The following PCMT1 variants were observed in gnomAD, a reference collection of about 807,000 sequenced individuals.
The protein encoded by PCMT1 is protein-L-isoaspartate (D-aspartate) O-methyltransferase, also known as protein-L-isoaspartate(D-aspartate) O-methyltransferase.
In PCMT1, 9 loss-of-function variants were observed where a neutral mutation model predicts 29.2. The observed-to-expected ratio is 0.31, with a 90% CI of 0.19 to 0.54. PCMT1 has a LOEUF of 0.54. Ranked by LOEUF, PCMT1 falls within the 20% of genes least tolerant of loss-of-function variation. PCMT1 has a pLI of 0.95. For missense variants in PCMT1, 184 were observed against 282.2 expected (o/e 0.65, Z 2.49); for synonymous variants, 98 against 97.5 (o/e 1.00, Z -0.03).
At chr6:149,756,622 C>G (rs180775545) in intron 1 of PCMT1, among the ~76,000 whole-genome samples, 94 of 145,392 alleles carry the variant, frequency 6.5e-4, no homozygotes, top group African/African-American at 2.4e-3. Context: ...GCCTCAGTCT[C>G]CAATATTGCT....
At chr6:149,777,661 T>A (rs1787625708) in intron 3 of PCMT1, among the ~76,000 whole-genome samples, 1 of 152,186 alleles carries the variant, frequency 6.6e-6, no homozygotes, top group South Asian at 2.1e-4. Flanking sequence ...TCTTTGGGAA[T>A]GAAAACTAAA....
chr6:149,805,233 T>TA (rs1316333544), intron 7 of PCMT1, among the ~76,000 whole-genome samples: 1 of 152,054 alleles, frequency 6.6e-6, no homozygotes, highest in African/African-American at 2.4e-5. Flanking sequence ...ACCTTATCTT[T>TA]AAAAAATATA....
intron 1 of PCMT1, among the ~76,000 whole-genome samples, chr6:149,765,120 G>C (rs946909001): frequency 2.6e-5 from 4 of 150,990 alleles, no homozygotes; most frequent in African/African-American, 9.7e-5. Context: ...AGCACTTTGG[G>C]AGGCCGAGGC....
chr6:149,803,052 C>CAAAAAAAAAA (rs60853264), intron 7 of PCMT1, among the ~76,000 whole-genome samples: 21 of 70,560 alleles, frequency 3.0e-4, no homozygotes, highest in Non-Finnish European at 4.6e-4. Flanking sequence ...GGCTCTGTCT[C>CAAAAAAAAAA]AAAAAAAAAA....
In PCMT1 at chr6:149,810,826, A is replaced by G. The variant is rs1168030603; in HGVS notation, c.*248A>G. 2 of 461,046 alleles carry G rather than the reference A, an allele frequency of 4.3e-6. No individual in the cohort carries two copies. Among genetic ancestry groups the G allele is most frequent in the Non-Finnish European group, 7.7e-6 (2 of 260,672 alleles). 28.6% of individuals were successfully genotyped at this position (461,046 alleles called of 1,614,324 possible). ...CCAAATTGGTAGAGGAAGGATGCAA[A>G]GTATAAATTTGTGTAATATTACTTT... On this transcript the variant is annotated 3_prime_UTR_variant, in exon 8 of 8. Transcript: ENST00000464889.
intron 1 of PCMT1, among the ~76,000 whole-genome samples, chr6:149,754,866 C>T (rs990429455): frequency 3.2e-4 from 49 of 152,132 alleles, no homozygotes; most frequent in African/African-American, 1.1e-3. Context: ...TCCAAATAAT[C>T]CTTATTTTAC....
intron 3 of PCMT1, among the ~76,000 whole-genome samples, chr6:149,776,908 G>T (rs1787594080): frequency 6.6e-6 from 1 of 152,070 alleles, no homozygotes; most frequent in Non-Finnish European, 1.5e-5. Context: ...ATCGAAATGT[G>T]AAATAAATAT....
chr6:149,765,229 G>A (rs1366307694), intron 1 of PCMT1, among the ~76,000 whole-genome samples: 2 of 148,930 alleles, frequency 1.3e-5, no homozygotes, highest in Non-Finnish European at 3.0e-5. Context: ...GTGTGGTGGC[G>A]GGTGCCTGTA....
At chr6:149,788,381 TGTGA>T (rs1271128855) in intron 3 of PCMT1, among the ~76,000 whole-genome samples, 2 of 152,184 alleles carry the variant, frequency 1.3e-5, no homozygotes, top group Non-Finnish European at 2.9e-5. Context: ...AATAGTAGAT[TGTGA>T]GTTTTATTTG....
chr6:149,750,926 T>C (rs1169441393), intron 1 of PCMT1, among the ~76,000 whole-genome samples: 2 of 152,230 alleles, frequency 1.3e-5, no homozygotes, highest in South Asian at 2.1e-4. Flanking sequence ...TCTTGTCACA[T>C]GGTATTTTTA....
intron 4 of PCMT1, among the ~76,000 whole-genome samples, chr6:149,790,551 T>G (rs1344622133): frequency 1.3e-5 from 2 of 151,418 alleles, no homozygotes; most frequent in African/African-American, 4.9e-5. Flanking sequence ...AAACAGAGGT[T>G]TTATTGCATT....
At chr6:149,763,449 A>G (rs1320690017) in intron 1 of PCMT1, among the ~76,000 whole-genome samples, 7 of 151,808 alleles carry the variant, frequency 4.6e-5, no homozygotes, top group South Asian at 2.1e-4. Context: ...TTTGGAAACC[A>G]CCCAGTAATG....
chr6:149,792,643 G>A (rs376081806), intron 4 of PCMT1, among the ~76,000 whole-genome samples: 3 of 151,792 alleles, frequency 2.0e-5, no homozygotes, highest in Admixed American at 2.0e-4. Flanking sequence ...AGCCTCCTAA[G>A]TAGCTGGGAC....
chr6:149,772,164 A>G (rs1239923462), intron 2 of PCMT1: 1 of 450,960 alleles, frequency 2.2e-6, no homozygotes, highest in Non-Finnish European at 4.5e-6. Context: ...CAGTCAGCAG[A>G]GAAGATCCTG....
chr6:149,775,683 G>A (rs1320281355), intron 3 of PCMT1, among the ~76,000 whole-genome samples: 1 of 152,146 alleles, frequency 6.6e-6, no homozygotes, highest in Non-Finnish European at 1.5e-5. Flanking sequence ...ACTCCAGCCT[G>A]GTTGACAGAG....
intron 1 of PCMT1, among the ~76,000 whole-genome samples, chr6:149,751,059 G>C (rs1786294197): frequency 6.6e-6 from 1 of 152,184 alleles, no homozygotes; most frequent in South Asian, 2.1e-4. Context: ...GCTCACGCCT[G>C]TAATGCCAGC....
intron 1 of PCMT1, among the ~76,000 whole-genome samples, chr6:149,762,561 C>CTATGATATATATATCTATGATATATA: frequency 1.7e-5 from 1 of 59,764 alleles, no homozygotes; most frequent in African/African-American, 6.6e-5. Flanking sequence ...ATATATATAT[C>CTATGATATATATATCTATGATATATA]TATGATATAT....
intron 4 of PCMT1, 148 bp downstream of exon 4, chr6:149,790,206 G>A (rs1050892701): frequency 6.8e-6 from 4 of 592,512 alleles, no homozygotes; most frequent in Admixed American, 3.3e-5. Flanking sequence ...GGATTTTGTT[G>A]TTGTTGCAAG....
At chr6:149,808,993 A>G (rs1776088113) in intron 7 of PCMT1, among the ~76,000 whole-genome samples, 2 of 148,246 alleles carry the variant, frequency 1.3e-5, no homozygotes, top group South Asian at 2.3e-4. Context: ...GGTGGCTCAC[A>G]CCTGTAATCC....
Sources: allele counts gnomAD v4.1 joint callset (sites outside exome capture counted in the v4.1 genomes callset), GRCh38; gene constraint gnomAD v4.1.1; transcripts MANE v1.5; gene names NCBI Gene and HGNC (gene_info 2026-07-23, HGNC 2026-07-21).